The following CACNA1B variants were observed in gnomAD, a reference collection of about 807,000 sequenced individuals.
CACNA1B encodes the protein voltage-dependent N-type calcium channel subunit alpha-1B.
CACNA1B carries 70 observed loss-of-function variants against 247.2 expected under a neutral mutation model. The observed-to-expected ratio is 0.28, with a 90% CI of 0.23 to 0.35. The LOEUF (loss-of-function observed/expected upper bound fraction) is 0.35, where lower values mean the gene tolerates loss of function less well. Among genes scored for constraint, CACNA1B ranks in the 10% least tolerant of loss-of-function variants. The pLI is 1.00. For synonymous variants in CACNA1B, 1,231 were observed against 1,294.4 expected (o/e 0.95, Z 1.05); for missense variants, 2,367 against 3,197.4 (o/e 0.74, Z 6.26).
At chr9:137,940,250 A>G (rs1370213745) in intron 6 of CACNA1B, among the ~76,000 whole-genome samples, 1 of 152,218 alleles carries the variant, frequency 6.6e-6, no homozygotes. Flanking sequence ...TACAACTGAC[A>G]CCACAGAAAT....
Position 138,114,596 on chromosome 9 carries a change from G to A in CACNA1B, c.5649+106G>A, listed in dbSNP as rs1371885388. ...GAGATGCACACCATTCTTGGAAAAAGTATCTCAGAAGGAAGATGAAAGATT... is the reference window on the plus strand; with the variant it reads ...GAGATGCACACCATTCTTGGAAAAAATATCTCAGAAGGAAGATGAAAGATT... On this transcript the variant is annotated intron_variant, in intron 41 of 46. Coordinates refer to ENST00000371372, the MANE Select transcript of CACNA1B (RefSeq NM_000718.4). The A allele has an allele frequency of 6.4e-6, 4 of 628,830 alleles. No homozygotes were observed. In the Admixed American group the frequency reaches 1.1e-4, roughly 18 times the overall value. The allele number at this position is 628,830 out of a possible 1,614,324, so 39.0% of individuals were successfully genotyped here.
chr9:137,923,577 T>C (rs2133293966), intron 6 of CACNA1B, among the ~76,000 whole-genome samples: 1 of 152,354 alleles, frequency 6.6e-6, no homozygotes, highest in East Asian at 1.9e-4. Context: ...CGTTCACCTG[T>C]GGAAGCTTCC....
intron 18 of CACNA1B, among the ~76,000 whole-genome samples, chr9:138,021,903 A>G (rs1958849789): frequency 6.6e-6 from 1 of 152,206 alleles, no homozygotes; most frequent in Admixed American, 6.5e-5. Flanking sequence ...GCAGCCTTGG[A>G]GGCTCCAGGG....
At chr9:138,042,830 A>AAG (rs1959141806) in intron 20 of CACNA1B, among the ~76,000 whole-genome samples, 1 of 152,192 alleles carries the variant, frequency 6.6e-6, no homozygotes, top group Non-Finnish European at 1.5e-5. Flanking sequence ...GCCAGCAGTC[A>AAG]AGGCCTCCAC....
chr9:138,114,564 G>T, intron 41 of CACNA1B, 74 bp downstream of exon 41: 1 of 703,850 alleles, frequency 1.4e-6, no homozygotes, highest in South Asian at 1.6e-5. Flanking sequence ...GGGGGTTGAC[G>T]ACGGGGGAGA....
intron 3 of CACNA1B, among the ~76,000 whole-genome samples, chr9:137,911,921 C>T (rs1422522013): frequency 6.6e-6 from 1 of 152,080 alleles, no homozygotes; most frequent in South Asian, 2.1e-4. Context: ...TTGGTTTAAA[C>T]AATAGGTGAC....
intron 20 of CACNA1B, among the ~76,000 whole-genome samples, chr9:138,042,302 T>C (rs912209362): frequency 2.0e-5 from 3 of 152,120 alleles, no homozygotes; most frequent in Non-Finnish European, 4.4e-5. Context: ...ATACAAAAAT[T>C]AGCTGGGTGT....
chr9:137,898,654 T>C (rs1051310319), intron 3 of CACNA1B, among the ~76,000 whole-genome samples: 8 of 151,704 alleles, frequency 5.3e-5, no homozygotes, highest in Non-Finnish European at 8.8e-5. Context: ...TACAGGCACA[T>C]GCCACCAAGC....
At chr9:138,017,102 T>C (rs1958802441) in intron 18 of CACNA1B, 1 of 518,076 alleles carries the variant, frequency 1.9e-6, no homozygotes, top group South Asian at 1.4e-5. Context: ...GTCTCTGGTT[T>C]TCTCACTTCT....
rs201592276 is a variant in CACNA1B at position 138,122,438 on chromosome 9, G to A, written c.*439G>A. The A allele has an allele frequency of 5.6e-6, 1 of 177,674 alleles. No homozygotes were observed. The highest frequency in any genetic ancestry group is 1.2e-5 in the Non-Finnish European group (1 of 83,792). 11.0% of individuals were successfully genotyped at this position (177,674 alleles called of 1,614,324 possible). The stretch of plus-strand genomic sequence containing the variant: ...TGAAAGTGCGCCGAGACCTCGGGAC[G>A]GAGGGGATGGGGAGGGGGACACAGT... On this transcript the variant is annotated 3_prime_UTR_variant, in exon 47 of 47. Coordinates refer to ENST00000371372, the MANE Select transcript of CACNA1B (RefSeq NM_000718.4).
At chr9:138,113,870 G>A (rs1241588871) in intron 40 of CACNA1B, among the ~76,000 whole-genome samples, 4 of 144,432 alleles carry the variant, frequency 2.8e-5, no homozygotes, top group Non-Finnish European at 6.0e-5. Context: ...GTGCCGGGAG[G>A]TGCCCAACTC....
At chr9:138,040,766 T>C in intron 20 of CACNA1B, 1 of 185,586 alleles carries the variant, frequency 5.4e-6, no homozygotes, top group Non-Finnish European at 1.2e-5. Flanking sequence ...GGGTCTGCCT[T>C]CCGCAGCCCA....
At chr9:138,008,106 C>A (rs1958677326) in intron 16 of CACNA1B, among the ~76,000 whole-genome samples, 1 of 152,202 alleles carries the variant, frequency 6.6e-6, no homozygotes, top group Admixed American at 6.5e-5. Context: ...CTAGGAGGGG[C>A]TCCAGAGAGC....
intron 31 of CACNA1B, among the ~76,000 whole-genome samples, chr9:138,066,540 A>G (rs1206249629): frequency 3.3e-5 from 5 of 152,154 alleles, no homozygotes; most frequent in South Asian, 2.1e-4. Flanking sequence ...GTGAAAGTGC[A>G]TTGGGAGCCA....
At chr9:137,916,615 A>G (rs537726596) in intron 5 of CACNA1B, among the ~76,000 whole-genome samples, 7 of 152,340 alleles carry the variant, frequency 4.6e-5, no homozygotes, top group African/African-American at 1.4e-4. Flanking sequence ...CAGGCACCAG[A>G]CTGCACAGTG....
chr9:137,948,788 G>GGT (rs373631643), intron 6 of CACNA1B, among the ~76,000 whole-genome samples: 75 of 146,872 alleles, frequency 5.1e-4, no homozygotes, highest in Admixed American at 1.6e-3. Context: ...GTATGTGTGT[G>GGT]GTGTGTGTGT....
At chr9:138,071,767 T>G (rs1960142116) in intron 32 of CACNA1B, among the ~76,000 whole-genome samples, 1 of 152,092 alleles carries the variant, frequency 6.6e-6, no homozygotes, top group Admixed American at 6.5e-5. Context: ...GCCTTTATTT[T>G]CCCCAGTGTC....
intron 10 of CACNA1B, among the ~76,000 whole-genome samples, chr9:137,962,960 T>G (rs190808582): frequency 1.2e-4 from 19 of 152,322 alleles, no homozygotes; most frequent in Admixed American, 5.2e-4. Context: ...CTTGATGATC[T>G]GCCTAATATT....
chr9:138,098,095 T>C (rs950744918), intron 37 of CACNA1B, among the ~76,000 whole-genome samples: 2 of 152,220 alleles, frequency 1.3e-5, no homozygotes, highest in African/African-American at 2.4e-5. Context: ...GTCGGAAATA[T>C]ACAGTTTTTA....
Sources: allele counts gnomAD v4.1 joint callset (sites outside exome capture counted in the v4.1 genomes callset), GRCh38; gene constraint gnomAD v4.1.1; transcripts MANE v1.5; gene names NCBI Gene and HGNC (gene_info 2026-07-23, HGNC 2026-07-21).